NME8: variants seen among roughly 807,000 people sequenced by gnomAD.
NME8 encodes NME/NM23 family member 8.
A neutral mutation model predicts 82.3 loss-of-function variants in NME8; 72 were observed. The observed-to-expected ratio is 0.87, with a 90% CI of 0.72 to 1.06. The LOEUF (loss-of-function observed/expected upper bound fraction) is 1.06. Ranked by LOEUF, NME8 falls within the 50% of genes least tolerant of loss-of-function variation. NME8 has a pLI of 0.00. For synonymous variants in NME8, 267 were observed against 228.5 expected (o/e 1.17, Z -1.52); for missense variants, 712 against 685.4 (o/e 1.04, Z -0.43).
At chr7:37,872,705 A>G (rs991841009) in intron 11 of NME8, among the ~76,000 whole-genome samples, 2 of 152,132 alleles carry the variant, frequency 1.3e-5, no homozygotes, top group African/African-American at 4.8e-5. Flanking sequence ...GAAGTCTGCA[A>G]TCTGGATAAT....
chr7:37,852,871 G>A (rs1449574351), intron 5 of NME8, among the ~76,000 whole-genome samples: 1 of 152,130 alleles, frequency 6.6e-6, no homozygotes, highest in African/African-American at 2.4e-5. Context: ...AAGATTGCTG[G>A]ATCATGTGGT....
chr7:37,851,572 G>A (rs1784439240), intron 5 of NME8, among the ~76,000 whole-genome samples: 1 of 152,090 alleles, frequency 6.6e-6, no homozygotes, highest in Non-Finnish European at 1.5e-5. Context: ...AGTGAAATAT[G>A]CCATCAATAA....
chr7:37,874,161 G>A (rs1228668122), intron 11 of NME8, among the ~76,000 whole-genome samples: 1 of 151,774 alleles, frequency 6.6e-6, no homozygotes, highest in Non-Finnish European at 1.5e-5. Flanking sequence ...AAATATGGGA[G>A]GAAAAAAAAG....
Position 37,896,984 on chromosome 7 carries a change from A to T in NME8, c.1659A>T (p.Arg553=). 6.2e-7 allele frequency: 1 copy of T among 1,613,958 alleles called. No individual in the cohort carries two copies. The highest frequency in any genetic ancestry group is 8.5e-7 in the Non-Finnish European group (1 of 1,179,896). The change falls in exon 17 of 18, where the codon CGA becomes CGT. Residue 553 remains arginine, a synonymous_variant. Coordinates refer to ENST00000199447, the MANE Select transcript of NME8 (RefSeq NM_016616.5). ...AATTACTTTCCCCTGACTCCATCCG[A>T]GCCCAGTTTGGAATAAGTAAATTGA... ...EAKLLSPDSI[R]AQFGISKLKN... is the part of the protein sequence containing the mutation.
At position 37,867,870 on chromosome 7, in the gene NME8, C is replaced by T. The variant is rs1784712625; in HGVS notation, c.790C>T (p.Pro264Ser). The part of the protein sequence containing the change: ...DQPEVEAQVT[P>S]GMMKNKQDSL... ...ACCTGAGGTCGAAGCCCAGGTTACACCTGGAATGATGAAGAACAAACAAGA... is the reference window on the plus strand; with the variant it reads ...ACCTGAGGTCGAAGCCCAGGTTACATCTGGAATGATGAAGAACAAACAAGA... The change falls in exon 11 of 18, where the codon CCT (proline) becomes TCT (serine). Residue 264 changes from proline to serine, a missense_variant. Pro to Ser is a moderately conservative substitution (Grantham distance 74, BLOSUM62 -1). Coordinates refer to ENST00000199447, the MANE Select transcript of NME8 (RefSeq NM_016616.5). 1.2e-6 allele frequency: 2 copies of T among 1,613,576 alleles called. No homozygotes were observed. Among genetic ancestry groups the T allele is most frequent in the Non-Finnish European group, 1.7e-6 (2 of 1,179,804 alleles).
intron 15 of NME8, 121 bp downstream of exon 15, chr7:37,888,549 A>T (rs191871958): frequency 1.3e-5 from 11 of 825,464 alleles, no homozygotes; most frequent in Non-Finnish European, 2.0e-5. Flanking sequence ...AAAAGTTGCG[A>T]TGAGTACTCC....
At chr7:37,872,352 C>A (rs1454561039) in intron 11 of NME8, among the ~76,000 whole-genome samples, 1 of 152,024 alleles carries the variant, frequency 6.6e-6, no homozygotes, top group Non-Finnish European at 1.5e-5. Flanking sequence ...AGACCTAAGC[C>A]CCAGTGAGCC....
At chr7:37,856,106 C>T (rs1436816535) in intron 5 of NME8, among the ~76,000 whole-genome samples, 1 of 152,162 alleles carries the variant, frequency 6.6e-6, no homozygotes, top group East Asian at 1.9e-4. Context: ...CCTAGTAGCA[C>T]TTTATCTGGA....
intron 5 of NME8, among the ~76,000 whole-genome samples, chr7:37,855,456 G>A (rs1784496457): frequency 6.6e-6 from 1 of 152,108 alleles, no homozygotes; most frequent in African/African-American, 2.4e-5. Context: ...TCTTCCTTAA[G>A]TCTTGGTGCT....
intron 11 of NME8, 37 bp downstream of exon 11, chr7:37,867,935 G>A (rs1466873406): frequency 1.3e-6 from 2 of 1,577,092 alleles, no homozygotes; most frequent in Admixed American, 1.7e-5. Context: ...TACTTGCAAT[G>A]TGTTATTGGG....
chr7:37,873,359 CAAAA>C (rs10647118), intron 11 of NME8, among the ~76,000 whole-genome samples: 2 of 105,486 alleles, frequency 1.9e-5, no homozygotes, highest in Non-Finnish European at 1.9e-5. Context: ...GACTCTGTCT[CAAAA>C]AAAAAAAAAA....
rs373666490 is a variant in NME8 at position 37,877,063 on chromosome 7, A to T, written c.994+56A>T. ...TTTTATATAGATGAGATTTGAATAA[A>T]CCCTAGTATAATTGCATTTAAAGAC... On this transcript the variant is annotated intron_variant, in intron 12 of 17. Coordinates refer to ENST00000199447, the MANE Select transcript of NME8 (RefSeq NM_016616.5). 7.3e-5 allele frequency: 102 copies of T among 1,398,708 alleles called. 3 individuals carry two copies. The East Asian group carries it at 1.4e-3, about 19-fold the overall frequency. The allele number at this position is 1,398,708 out of a possible 1,614,324, so 86.6% of individuals were successfully genotyped here. A position where few individuals can be genotyped will look rare whatever the true frequency, so the allele number is the denominator to read the frequency against.
At chr7:37,892,818 A>G (rs1046927765) in intron 15 of NME8, among the ~76,000 whole-genome samples, 2 of 151,938 alleles carry the variant, frequency 1.3e-5, no homozygotes, top group African/African-American at 4.8e-5. Context: ...TTTAATGTTC[A>G]AACTGCTTAA....
chr7:37,864,870 T>A (rs1182793723), intron 9 of NME8, among the ~76,000 whole-genome samples: 1 of 152,142 alleles, frequency 6.6e-6, no homozygotes, highest in African/African-American at 2.4e-5. Context: ...TCTTCCATTT[T>A]TAAAGCCATC....
At position 37,886,032 on chromosome 7, in the gene NME8, G is replaced by A. The variant is rs1257883400; in HGVS notation, c.1247+780G>A. ...CACAATAAATAACAATAGTTATGAAGCCTCACTTACATGAAAGCTGAAGTG... is the reference window on the plus strand; with the variant it reads ...CACAATAAATAACAATAGTTATGAAACCTCACTTACATGAAAGCTGAAGTG... On this transcript the variant is annotated intron_variant, in intron 14 of 17. Coordinates refer to ENST00000199447, the MANE Select transcript of NME8 (RefSeq NM_016616.5). Among the ~76,000 whole-genome samples, 3 of 152,300 alleles carry A rather than the reference G, an allele frequency of 2.0e-5. No individual in the cohort carries two copies. In the East Asian group the frequency reaches 5.8e-4, roughly 29 times the overall value.
At chr7:37,887,020 T>C (rs1246588001) in intron 14 of NME8, among the ~76,000 whole-genome samples, 3 of 152,098 alleles carry the variant, frequency 2.0e-5, no homozygotes, top group Non-Finnish European at 4.4e-5. Flanking sequence ...TCACCACAGC[T>C]GGAATTTGTT....
intron 16 of NME8, among the ~76,000 whole-genome samples, chr7:37,895,404 C>A (rs1180862057): frequency 6.6e-6 from 1 of 152,070 alleles, no homozygotes; most frequent in South Asian, 2.1e-4. Flanking sequence ...AGTAGTTTTA[C>A]TAGAATTTCC....
chr7:37,880,200 T>G (rs1336119670), intron 12 of NME8, among the ~76,000 whole-genome samples: 1 of 152,204 alleles, frequency 6.6e-6, no homozygotes, highest in African/African-American at 2.4e-5. Flanking sequence ...GTCTTTATTT[T>G]TAATTTAGTC....
chr7:37,863,831 C>T (rs73119056), intron 8 of NME8, among the ~76,000 whole-genome samples: 33 of 152,296 alleles, frequency 2.2e-4, no homozygotes, highest in African/African-American at 7.5e-4. Context: ...AACAATTTCA[C>T]GCCTTCACTA....
Sources: gnomAD v4.1 joint callset for allele counts (sites outside exome capture counted in the v4.1 genomes callset) on GRCh38, gnomAD v4.1.1 for gene constraint, MANE v1.5 for transcripts, NCBI Gene and HGNC (gene_info 2026-07-23, HGNC 2026-07-21) for gene names.